The following RYR2 variants were observed in gnomAD, a reference collection of about 807,000 sequenced individuals.
RYR2 encodes the protein ryanodine receptor 2.
A neutral mutation model predicts 601.1 loss-of-function variants in RYR2; 227 were observed. The observed-to-expected ratio is 0.38, with a 90% CI of 0.34 to 0.42. The LOEUF (loss-of-function observed/expected upper bound fraction) is 0.42. Among genes scored for constraint, RYR2 ranks in the 10% least tolerant of loss-of-function variants. RYR2 has a pLI of 1.00. For synonymous variants in RYR2, 2,223 were observed against 2,175.1 expected (o/e 1.02, Z -0.61); for missense variants, 4,646 against 6,156.5 (o/e 0.75, Z 8.21).
At chr1:237,768,478 A>G (rs1199683725) in intron 84 of RYR2, among the ~76,000 whole-genome samples, 1 of 152,196 alleles carries the variant, frequency 6.6e-6, no homozygotes, top group African/African-American at 2.4e-5. Context: ...CAGTATTAAA[A>G]ATCTTAAGCC....
At chr1:237,571,424 C>T (rs1672685192) in intron 29 of RYR2, among the ~76,000 whole-genome samples, 1 of 151,664 alleles carries the variant, frequency 6.6e-6, no homozygotes, top group Non-Finnish European at 1.5e-5. Context: ...AAGCAATTCT[C>T]CTGCCTCAGC....
In RYR2 at chr1:237,784,453, G is replaced by C. The variant is rs753089069; in HGVS notation, c.12741G>C (p.Ala4247=). 1 of 1,613,578 alleles carries C rather than the reference G, an allele frequency of 6.2e-7. No homozygotes were observed. The highest frequency in any genetic ancestry group is 1.1e-5 in the South Asian group (1 of 91,036). The change falls in exon 90 of 105, where the codon GCG becomes GCC. Residue 4247 remains alanine, a synonymous_variant. Coordinates refer to ENST00000366574, the MANE Select transcript of RYR2 (RefSeq NM_001035.3). This position sits in a 1 kb window ranked among gnomAD's most constrained non-coding sequence, Gnocchi z 7.1. ...SILTVRSALF[A]LRYNILTLMR... is the part of the protein sequence containing the mutation. ...TGACGGTCAGGTCGGCCCTGTTTGC[G>C]CTCAGGTACAATATCTTGACCCTTA...
intron 1 of RYR2, among the ~76,000 whole-genome samples, chr1:237,123,861 G>T (rs1671104060): frequency 6.6e-6 from 1 of 151,636 alleles, no homozygotes; most frequent in Admixed American, 6.6e-5. Flanking sequence ...TAGAGACGGG[G>T]TTTCACCTTG....
intron 29 of RYR2, among the ~76,000 whole-genome samples, chr1:237,581,988 G>T (rs1363711271): frequency 6.6e-6 from 1 of 152,130 alleles, no homozygotes; most frequent in Admixed American, 6.6e-5. Context: ...AATTAGAGAT[G>T]ATCTCTTCTT....
intron 1 of RYR2, among the ~76,000 whole-genome samples, chr1:237,176,584 A>T (rs980616291): frequency 3.3e-4 from 48 of 145,846 alleles, no homozygotes; most frequent in South Asian, 6.6e-4. Flanking sequence ...TTATTTTTTT[A>T]AAAAACACCT....
chr1:237,677,759 T>C (rs1052489069), intron 60 of RYR2, among the ~76,000 whole-genome samples: 22 of 152,258 alleles, frequency 1.4e-4, no homozygotes, highest in African/African-American at 5.3e-4. Flanking sequence ...TTCTATTCCA[T>C]TTTCCCCTCT....
chr1:237,399,293 A>G (rs1238407867), intron 10 of RYR2, among the ~76,000 whole-genome samples: 4 of 152,202 alleles, frequency 2.6e-5, no homozygotes, highest in South Asian at 2.1e-4. Context: ...AAGGTTGCAT[A>G]CTGTGTGATT....
At chr1:237,469,258 CAAAAAAAAA>C (rs66912945) in intron 17 of RYR2, 71 bp downstream of exon 17, 5 of 107,846 alleles carry the variant, frequency 4.6e-5, no homozygotes, top group African/African-American at 9.6e-5. Context: ...TCCTTTAAGA[CAAAAAAAAA>C]AAAAAAAAAA....
chr1:237,586,391 C>T (rs941766421), intron 29 of RYR2, among the ~76,000 whole-genome samples: 1 of 152,112 alleles, frequency 6.6e-6, no homozygotes. Context: ...ACTGAGCATT[C>T]GTGCTAAGCA....
chr1:237,213,923 T>TC (rs199502968), intron 1 of RYR2, among the ~76,000 whole-genome samples: 1,578 of 139,374 alleles, frequency 0.011, 47 homozygotes, highest in African/African-American at 0.04. Flanking sequence ...TTCTTTTTTT[T>TC]TTTTTTTTTT....
intron 62 of RYR2, among the ~76,000 whole-genome samples, chr1:237,682,857 T>TA (rs1186896704): frequency 6.6e-6 from 1 of 152,194 alleles, no homozygotes; most frequent in Non-Finnish European, 1.5e-5. Context: ...AAAAGTAACT[T>TA]ATGTTATTAC....
Position 237,631,408 on chromosome 1 carries a change from C to T in RYR2, c.6441-19C>T, listed in dbSNP as rs140440259. The T allele has an allele frequency of 2.6e-3, 3,856 of 1,495,960 alleles. 10 individuals carry two copies. Among genetic ancestry groups the T allele is most frequent in the Non-Finnish European group, 2.7e-3 (2,939 of 1,074,962 alleles). The allele number at this position is 1,495,960 out of a possible 1,614,324, so 92.7% of individuals were successfully genotyped here. On this transcript the variant is annotated intron_variant, in intron 41 of 104. Transcript: ENST00000366574. ...ATGTTGCTCTGAGCTTTACCCCATA[C>T]GTCCATTGTCCTTTCTAGGGATATT...
chr1:237,052,593 GC>G (rs1251697110), intron 1 of RYR2, among the ~76,000 whole-genome samples: 1 of 152,222 alleles, frequency 6.6e-6, no homozygotes, highest in East Asian at 1.9e-4. Context: ...GGGGGAGTGG[GC>G]TAAGGGATGA....
At chr1:237,702,803 C>CGGGTGGT (rs1251071192) in intron 66 of RYR2, among the ~76,000 whole-genome samples, 55 of 152,110 alleles carry the variant, frequency 3.6e-4, no homozygotes, top group African/African-American at 1.2e-3. Context: ...TGAACAGGTA[C>CGGGTGGT]TCATTTGGCC....
In RYR2 at chr1:237,456,602, A is replaced by C. The variant is rs1572409129; in HGVS notation, c.1479A>C (p.Gly493=). The part of the protein sequence containing the change: ...KNRQNLFQEE[G]MINLVLECID... ...TTTTTTTTTTTTTAACGTTCCAGGG[A>C]ATGATCAACCTCGTGCTTGAGTGCA... The change falls in exon 16 of 105, where the codon GGA becomes GGC. Residue 493 remains glycine (G), a splice_region_variant and synonymous_variant. Coordinates refer to ENST00000366574, the MANE Select transcript of RYR2 (RefSeq NM_001035.3). 6.7e-7 allele frequency: 1 copy of C among 1,501,338 alleles called. No individual in the cohort carries two copies. The highest frequency in any genetic ancestry group is 9.0e-7 in the Non-Finnish European group (1 of 1,116,662). The allele number at this position is 1,501,338 out of a possible 1,614,324, so 93.0% of individuals were successfully genotyped here.
At chr1:237,369,371 A>G (rs1473390197) in intron 5 of RYR2, 163 bp from the exon 6 acceptor site, 4 of 689,748 alleles carry the variant, frequency 5.8e-6, no homozygotes, top group East Asian at 2.7e-5. Flanking sequence ...CTTTACTCCA[A>G]TGTATACATT....
rs71180008 is a variant in RYR2 at position 237,213,915 on chromosome 1, CTTTTTTTTTTTTT to C, written c.49-56570_49-56558del. 2.0e-4 allele frequency among the ~76,000 whole-genome samples: 13 copies of C among 65,484 alleles called. No individual in the cohort carries two copies. In the South Asian group the frequency reaches 8.6e-3, roughly 43 times the overall value. The allele number at this position is 65,484 out of a possible 152,430, so 43.0% of individuals were successfully genotyped here. On this transcript the variant is annotated intron_variant, in intron 1 of 104. Coordinates refer to ENST00000366574, the MANE Select transcript of RYR2 (RefSeq NM_001035.3). ...ATTTATTATCTTTTTTTTTCTTTTT[CTTTTTTTTTTTTT>C]TTTTTTTTTTTAGACAGAGTCTTGA...
chr1:237,472,356 G>C (rs1660826456), intron 17 of RYR2, among the ~76,000 whole-genome samples: 1 of 152,132 alleles, frequency 6.6e-6, no homozygotes, highest in Admixed American at 6.5e-5. Flanking sequence ...TCAAAAGTAG[G>C]GTTAATTGTC....
chr1:237,701,198 T>A (rs1042006781), intron 65 of RYR2, among the ~76,000 whole-genome samples: 13 of 152,200 alleles, frequency 8.5e-5, no homozygotes, highest in African/African-American at 3.1e-4. Context: ...GTGCCACAAC[T>A]ACCAGTGGCA....
Sources: gnomAD v4.1 joint callset for allele counts (sites outside exome capture counted in the v4.1 genomes callset) on GRCh38, gnomAD v4.1.1 for gene constraint, Gnocchi (gnomAD v3.1) non-coding constraint, MANE v1.5 for transcripts, NCBI Gene and HGNC (gene_info 2026-07-23, HGNC 2026-07-21) for gene names.